The following MYRFL variants were observed in gnomAD, a reference collection of about 807,000 sequenced individuals.
The protein encoded by MYRFL is myelin regulatory factor like, also known as myelin regulatory factor-like protein.
In MYRFL, 88 loss-of-function variants were observed where a neutral mutation model predicts 109.4. That is an observed-to-expected ratio of 0.80 (90% CI 0.68 to 0.96). The LOEUF is 0.96. Ranked by LOEUF, MYRFL falls within the 40% of genes least tolerant of loss-of-function variation. The pLI, the probability that MYRFL is intolerant of heterozygous loss-of-function variation, is 0.00. For missense variants in MYRFL, 957 were observed against 954.9 expected, an observed-to-expected ratio of 1.00 and a Z score of -0.03; for synonymous variants, 324 against 320.9, an observed-to-expected ratio of 1.01 and a Z score of -0.10.
At chr12:69,832,532 G>A (rs1409619236) in intron 1 of MYRFL, among the ~76,000 whole-genome samples, 2 of 152,164 alleles carry the variant, frequency 1.3e-5, no homozygotes, top group African/African-American at 2.4e-5. Flanking sequence ...AGAGTTACTT[G>A]AGCTAAGACA....
intron 1 of MYRFL, among the ~76,000 whole-genome samples, chr12:69,826,875 C>A (rs756505949): frequency 5.9e-5 from 9 of 152,118 alleles, no homozygotes; most frequent in Non-Finnish European, 1.0e-4. Context: ...AGCGCCTACT[C>A]TGAGTCAGGT....
chr12:69,858,782 A>C (rs1046947013), intron 2 of MYRFL, among the ~76,000 whole-genome samples: 2 of 151,740 alleles, frequency 1.3e-5, no homozygotes, highest in African/African-American at 4.8e-5. Context: ...GATTGATTCA[A>C]ATAGGTAGCT....
At chr12:69,945,916 G>A (rs1409253756) in intron 19 of MYRFL, among the ~76,000 whole-genome samples, 1 of 142,744 alleles carries the variant, frequency 7.0e-6, no homozygotes, top group African/African-American at 2.6e-5. Flanking sequence ...GAACCCGGGA[G>A]GCGGAGCTTG....
At chr12:69,855,846 C>T (rs1884246618) in intron 2 of MYRFL, among the ~76,000 whole-genome samples, 1 of 151,526 alleles carries the variant, frequency 6.6e-6, no homozygotes, top group Non-Finnish European at 1.5e-5. Flanking sequence ...CTCAAAGTAC[C>T]AGCTTTTGGT....
chr12:69,853,524 G>A (rs529977848), intron 1 of MYRFL, among the ~76,000 whole-genome samples: 100 of 149,702 alleles, frequency 6.7e-4, no homozygotes, highest in African/African-American at 2.1e-3. Flanking sequence ...ACGGGGCGGC[G>A]GGGCAGAGGC....
chr12:69,883,246 G>A (rs576469713), intron 5 of MYRFL, among the ~76,000 whole-genome samples: 1 of 152,268 alleles, frequency 6.6e-6, no homozygotes, highest in Admixed American at 6.5e-5. Context: ...TGTTAAATGA[G>A]ATTAAGAATC....
At chr12:69,879,923 T>G (rs1003147781) in intron 4 of MYRFL, among the ~76,000 whole-genome samples, 3 of 152,054 alleles carry the variant, frequency 2.0e-5, no homozygotes, top group Non-Finnish European at 4.4e-5. Flanking sequence ...ATGAAAAAAG[T>G]TGTCGGGTGT....
intron 12 of MYRFL, among the ~76,000 whole-genome samples, 189 bp downstream of exon 12, chr12:69,910,266 C>G (rs1245325442): frequency 6.6e-6 from 1 of 150,922 alleles, no homozygotes; most frequent in African/African-American, 2.5e-5. Flanking sequence ...CTCAACACCC[C>G]CACTCCTCCA....
intron 13 of MYRFL, among the ~76,000 whole-genome samples, chr12:69,925,333 G>A (rs920425879): frequency 5.9e-5 from 9 of 152,150 alleles, no homozygotes; most frequent in Admixed American, 1.3e-4. Context: ...TTTGAACTGC[G>A]TACACTAAGC....
chr12:69,936,770 A>G (rs1955484388), intron 19 of MYRFL, 138 bp downstream of exon 19: 2 of 722,552 alleles, frequency 2.8e-6, no homozygotes, highest in Middle Eastern at 3.5e-4. Flanking sequence ...TCTTTAAAAC[A>G]CAAATACACA....
chr12:69,926,936 T>TTTTTTG (rs1566031054), intron 14 of MYRFL, among the ~76,000 whole-genome samples: 2 of 13,206 alleles, frequency 1.5e-4, no homozygotes, highest in Non-Finnish European at 2.6e-4. Flanking sequence ...GTTGCTGGTT[T>TTTTTTG]TTTTTTTTTT....
At chr12:69,945,621 A>G (rs1367007393) in intron 19 of MYRFL, among the ~76,000 whole-genome samples, 1 of 152,198 alleles carries the variant, frequency 6.6e-6, no homozygotes, top group East Asian at 1.9e-4. Flanking sequence ...GCATGACTGT[A>G]TTGGGAAGAA....
intron 2 of MYRFL, among the ~76,000 whole-genome samples, chr12:69,873,909 G>T (rs1483948618): frequency 6.6e-6 from 1 of 150,908 alleles, no homozygotes; most frequent in African/African-American, 2.4e-5. Context: ...ATTTTGTATT[G>T]TTTGAATAAT....
At chr12:69,897,068 T>C (rs995973254) in intron 9 of MYRFL, 88 bp from the exon 10 acceptor site, 1 of 874,810 alleles carries the variant, frequency 1.1e-6, no homozygotes, top group South Asian at 1.4e-5. Flanking sequence ...ATAAGTTCAC[T>C]ATTGATCAAC....
Position 69,926,616 on chromosome 12 carries a change from A to G in MYRFL, c.1648A>G (p.Lys550Glu). ...TGTAGGTGCAGTGAAGCAACTGTGC[A>G]AACTAACTAACAACCTTGAGGAAAG... ...ENVGAVKQLC[K>E]LTNNLEERIE... Residue 550 changes from lysine (K) to glutamate (E), a missense_variant, in exon 14 of 25, where the codon AAA becomes GAA. Transcript: ENST00000552032. The G allele has an allele frequency of 6.5e-7, 1 of 1,529,296 alleles. No individual in the cohort carries two copies. Among genetic ancestry groups the G allele is most frequent in the Non-Finnish European group, 8.7e-7 (1 of 1,143,432 alleles). The allele number at this position is 1,529,296 out of a possible 1,614,324, so 94.7% of individuals were successfully genotyped here.
At chr12:69,870,099 C>CTTTTTTTTTTTTTTTTTTTTTTTTTT in intron 2 of MYRFL, among the ~76,000 whole-genome samples, 1 of 81,330 alleles carries the variant, frequency 1.2e-5, no homozygotes, top group Non-Finnish European at 2.2e-5. Context: ...ATTTTTCTTC[C>CTTTTTTTTTTTTTTTTTTTTTTTTTT]TTTTTTTTTT....
chr12:69,949,698 T>G (rs1483023559), intron 19 of MYRFL, among the ~76,000 whole-genome samples: 1 of 152,104 alleles, frequency 6.6e-6, no homozygotes, highest in Admixed American at 6.5e-5. Context: ...TGTTAGTGTA[T>G]TTTATGTGTG....
At chr12:69,859,313 G>A (rs1367486852) in intron 2 of MYRFL, among the ~76,000 whole-genome samples, 1 of 152,162 alleles carries the variant, frequency 6.6e-6, no homozygotes, top group Admixed American at 6.6e-5. Context: ...AATGCTCACT[G>A]TGCTGTTGTT....
At chr12:69,837,489 G>A (rs1213058309) in intron 1 of MYRFL, among the ~76,000 whole-genome samples, 3 of 152,076 alleles carry the variant, frequency 2.0e-5, no homozygotes, top group Non-Finnish European at 4.4e-5. Context: ...AATTGGAAAG[G>A]GATGCACACT....
Sources: gnomAD v4.1 joint callset for allele counts (sites outside exome capture counted in the v4.1 genomes callset) on GRCh38, gnomAD v4.1.1 for gene constraint, MANE v1.5 for transcripts, NCBI Gene and HGNC (gene_info 2026-07-23, HGNC 2026-07-21) for gene names.